FBXO11: variants seen among roughly 807,000 people sequenced by gnomAD.
FBXO11 encodes the protein F-box only protein 11.
Under a neutral mutation model 117.0 loss-of-function variants are expected in FBXO11, and 13 were observed. The observed-to-expected ratio is 0.11, with a 90% confidence interval of 0.07 to 0.18. FBXO11 has a LOEUF of 0.18. Among genes scored for constraint, FBXO11 ranks in the 10% least tolerant of loss-of-function variants. The pLI is 1.00. For missense variants in FBXO11, 767 were observed against 1,164.4 expected (o/e 0.66, Z 4.97); for synonymous variants, 490 against 380.5 (o/e 1.29, Z -3.35).
chr2:47,811,709 C>G (rs1670625593), intron 18 of FBXO11: 1 of 152,196 alleles, frequency 6.6e-6, no homozygotes, highest in Admixed American at 6.6e-5. Flanking sequence ...AATCAGAATC[C>G]TGAGCACCCA....
chr2:47,888,693 A>G, intron 1 of FBXO11: 2 of 982,310 alleles, frequency 2.0e-6, no homozygotes, highest in Non-Finnish European at 2.4e-6. Context: ...AGCCATTGCA[A>G]TGTTTTACAA....
chr2:47,872,968 A>G (rs571018555), intron 1 of FBXO11, among the ~76,000 whole-genome samples: 1 of 152,336 alleles, frequency 6.6e-6, no homozygotes, highest in South Asian at 2.1e-4. Context: ...CACATTAAAA[A>G]AAATCTACTG....
chr2:47,896,382 T>G (rs1042373108), intron 1 of FBXO11, among the ~76,000 whole-genome samples: 3 of 151,356 alleles, frequency 2.0e-5, no homozygotes, highest in Admixed American at 6.6e-5. Context: ...CAGGCTGGAG[T>G]GCAGTGGCTC....
chr2:47,841,881 C>T (rs1432713732), intron 1 of FBXO11, among the ~76,000 whole-genome samples: 2 of 148,924 alleles, frequency 1.3e-5, no homozygotes, highest in East Asian at 4.1e-4. Context: ...CCTCGTGATC[C>T]CCCCACCTCG....
At chr2:47,894,839 T>G (rs555416706) in intron 1 of FBXO11, among the ~76,000 whole-genome samples, 1 of 152,144 alleles carries the variant, frequency 6.6e-6, no homozygotes, top group Non-Finnish European at 1.5e-5. Flanking sequence ...TGTGGCTATC[T>G]GCAAAAAAAT....
At chr2:47,857,954 C>CAA (rs984478926) in intron 1 of FBXO11, among the ~76,000 whole-genome samples, 9 of 152,010 alleles carry the variant, frequency 5.9e-5, no homozygotes, top group Non-Finnish European at 1.0e-4. Context: ...TATATACACA[C>CAA]ACACATACAT....
chr2:47,849,798 T>C (rs1455617264), intron 1 of FBXO11, among the ~76,000 whole-genome samples: 1 of 152,188 alleles, frequency 6.6e-6, no homozygotes, highest in Non-Finnish European at 1.5e-5. Flanking sequence ...AAGGTGCTCA[T>C]CTCCAGCACA....
intron 16 of FBXO11, among the ~76,000 whole-genome samples, chr2:47,817,440 T>C (rs1341787304): frequency 6.6e-6 from 1 of 152,232 alleles, no homozygotes; most frequent in Admixed American, 6.5e-5. Flanking sequence ...TAAGGTTGTT[T>C]TGCTTTGCTT....
chr2:47,887,877 T>C (rs1173957871), intron 1 of FBXO11, among the ~76,000 whole-genome samples: 1 of 152,098 alleles, frequency 6.6e-6, no homozygotes, highest in African/African-American at 2.4e-5. Context: ...ATTAGCGGGC[T>C]TGGAGGGACA....
At chr2:47,888,508 T>C (rs1209175032) in intron 1 of FBXO11, 1 of 165,544 alleles carries the variant, frequency 6.0e-6, no homozygotes, top group Non-Finnish European at 1.2e-5. Context: ...TTTATGTCAG[T>C]CTAATAATTT....
chr2:47,863,727 A>C (rs1428890055), intron 1 of FBXO11, among the ~76,000 whole-genome samples: 1 of 152,102 alleles, frequency 6.6e-6, no homozygotes, highest in East Asian at 1.9e-4. Context: ...GATCACTTGA[A>C]GTCAGGAGTT....
intron 1 of FBXO11, among the ~76,000 whole-genome samples, chr2:47,843,665 GTCTAGTA>G (rs1225997808): frequency 6.6e-6 from 1 of 152,176 alleles, no homozygotes; most frequent in South Asian, 2.1e-4. Flanking sequence ...GTTTGTGTCA[GTCTAGTA>G]TTTTTTAAAT....
At chr2:47,850,278 G>T (rs950038214) in intron 1 of FBXO11, among the ~76,000 whole-genome samples, 5 of 152,144 alleles carry the variant, frequency 3.3e-5, no homozygotes, top group Non-Finnish European at 5.9e-5. Flanking sequence ...GAAAAAAGAT[G>T]AGTTAAGGGT....
chr2:47,839,304 T>G, intron 3 of FBXO11, 115 bp downstream of exon 3: 2 of 954,538 alleles, frequency 2.1e-6, no homozygotes, highest in East Asian at 2.6e-5. Context: ...TCTGTAATAA[T>G]CACTTTCTGA....
At chr2:47,847,979 C>G (rs1200662579) in intron 1 of FBXO11, among the ~76,000 whole-genome samples, 1 of 151,804 alleles carries the variant, frequency 6.6e-6, no homozygotes, top group African/African-American at 2.4e-5. Context: ...AAAAAATTAG[C>G]CGGGCGTGGT....
At chr2:47,810,461 G>T in intron 18 of FBXO11, 35 bp from the exon 19 acceptor site, 1 of 1,331,286 alleles carries the variant, frequency 7.5e-7, no homozygotes. Flanking sequence ...TAAGGCTAAT[G>T]CATATAACAG....
chr2:47,849,237 A>G (rs1049748542), intron 1 of FBXO11, among the ~76,000 whole-genome samples: 1 of 152,262 alleles, frequency 6.6e-6, no homozygotes, highest in Non-Finnish European at 1.5e-5. Context: ...TAAATATTTT[A>G]TAATAGAGAT....
chr2:47,896,530 A>C (rs1169853703), intron 1 of FBXO11, among the ~76,000 whole-genome samples: 2 of 152,014 alleles, frequency 1.3e-5, no homozygotes, highest in African/African-American at 4.8e-5. Context: ...GGGTTTCGCC[A>C]TGTTGCCCAG....
At chr2:47,816,180 T>G (rs1469431144) in intron 16 of FBXO11, among the ~76,000 whole-genome samples, 1 of 152,100 alleles carries the variant, frequency 6.6e-6, no homozygotes, top group East Asian at 1.9e-4. Flanking sequence ...AATTTTTTTT[T>G]GTTTTGTTCT....
Sources: allele counts gnomAD v4.1 joint callset (sites outside exome capture counted in the v4.1 genomes callset), GRCh38; gene constraint gnomAD v4.1.1; transcripts MANE v1.5; gene names NCBI Gene and HGNC (gene_info 2026-07-23, HGNC 2026-07-21).